The following SLC25A12 variants were observed in gnomAD, a reference collection of about 807,000 sequenced individuals.
SLC25A12 encodes the protein electrogenic aspartate/glutamate antiporter SLC25A12, mitochondrial.
In SLC25A12, 32 loss-of-function variants were observed where a neutral mutation model predicts 83.3. That is an observed-to-expected ratio of 0.38 (90% CI 0.29 to 0.52). The LOEUF (loss-of-function observed/expected upper bound fraction) is 0.52. SLC25A12 is among the 20% of genes least tolerant of loss of function. The probability of loss-of-function intolerance (pLI) is 0.84; values close to 1 mark genes in which losing one functional copy is unlikely to be tolerated. For synonymous variants in SLC25A12, 267 were observed against 291.1 expected, an observed-to-expected ratio of 0.92 and a Z score of 0.84; for missense variants, 611 against 835.6, an observed-to-expected ratio of 0.73 and a Z score of 3.31.
At chr2:171,824,914 C>T (rs1684269271) in intron 9 of SLC25A12, among the ~76,000 whole-genome samples, 1 of 152,060 alleles carries the variant, frequency 6.6e-6, no homozygotes, top group South Asian at 2.1e-4. Flanking sequence ...GGTGATTCTC[C>T]CTCCTCAGCC....
chr2:171,799,352 A>G (rs137910707), intron 13 of SLC25A12, among the ~76,000 whole-genome samples: 8 of 152,372 alleles, frequency 5.3e-5, no homozygotes, highest in Non-Finnish European at 8.8e-5. Context: ...ATGTGTTCAC[A>G]TAAGTATGTA....
chr2:171,806,888 G>A (rs1440681205), intron 13 of SLC25A12, among the ~76,000 whole-genome samples: 1 of 152,200 alleles, frequency 6.6e-6, no homozygotes, highest in African/African-American at 2.4e-5. Context: ...TGAAGACTCA[G>A]GGTCAGGCTC....
chr2:171,793,804 T>C, intron 13 of SLC25A12, 37 bp from the exon 14 acceptor site: 2 of 1,613,626 alleles, frequency 1.2e-6, no homozygotes, highest in South Asian at 1.1e-5. Context: ...AGATTCCACA[T>C]CAGAGCCCGA....
intron 4 of SLC25A12, among the ~76,000 whole-genome samples, chr2:171,853,222 G>A (rs1684970696): frequency 6.6e-6 from 1 of 152,230 alleles, no homozygotes; most frequent in Admixed American, 6.5e-5. Context: ...TCTAGATTAT[G>A]GAGGAAAAGA....
rs1003230297 is a variant in SLC25A12, at chr2:171,834,272, A to C, written c.752-216T>G. 2.3e-5 allele frequency: 12 copies of C among 522,066 alleles called. 1 individual carries two copies. The Admixed American group carries it at 3.9e-4, about 17-fold the overall frequency. The allele number at this position is 522,066 out of a possible 1,614,324, so 32.3% of individuals were successfully genotyped here. ...AAATGTTAAGATGATAAAACAGCAA[A>C]ACAGATGAATTAACTTCAAGAATAA... On this transcript the variant is annotated intron_variant, in intron 7 of 17. Coordinates refer to ENST00000422440, the MANE Select transcript of SLC25A12 (RefSeq NM_003705.5).
chr2:171,791,641 G>A, intron 14 of SLC25A12, 52 bp from the exon 15 acceptor site: 1 of 1,549,224 alleles, frequency 6.5e-7, no homozygotes, highest in Non-Finnish European at 8.9e-7. Flanking sequence ...GAGTGTGAAT[G>A]CCCAAATGGG....
chr2:171,803,175 GT>G (rs1316832486), intron 13 of SLC25A12, among the ~76,000 whole-genome samples: 1 of 149,712 alleles, frequency 6.7e-6, no homozygotes, highest in Non-Finnish European at 1.5e-5. Flanking sequence ...AGACCTAGAT[GT>G]AAAAGCTAAA....
At chr2:171,869,566 T>TAAATTA (rs957301206) in intron 2 of SLC25A12, among the ~76,000 whole-genome samples, 1 of 152,166 alleles carries the variant, frequency 6.6e-6, no homozygotes, top group Non-Finnish European at 1.5e-5. Context: ...AAATAGGAAA[T>TAAATTA]AAATTAAAAT....
chr2:171,842,813 G>A (rs1177986505), intron 5 of SLC25A12, among the ~76,000 whole-genome samples: 1 of 151,958 alleles, frequency 6.6e-6, no homozygotes, highest in Admixed American at 6.6e-5. Context: ...CCACTCAATT[G>A]TGCACTTTTA....
intron 2 of SLC25A12, among the ~76,000 whole-genome samples, chr2:171,878,145 A>T (rs895073912): frequency 6.6e-6 from 1 of 152,192 alleles, no homozygotes; most frequent in Non-Finnish European, 1.5e-5. Context: ...GGATGCAGAG[A>T]TCAACAAGAC....
chr2:171,816,576 G>A (rs1306974252), intron 9 of SLC25A12, among the ~76,000 whole-genome samples: 1 of 151,716 alleles, frequency 6.6e-6, no homozygotes, highest in African/African-American at 2.4e-5. Flanking sequence ...TTTTATTGTT[G>A]TAGTGTTATT....
chr2:171,812,338 CG>C, intron 11 of SLC25A12, among the ~76,000 whole-genome samples: 1 of 152,020 alleles, frequency 6.6e-6, no homozygotes, highest in Admixed American at 6.6e-5. Flanking sequence ...AAGCTCTGTT[CG>C]GGCCCAGTCT....
At chr2:171,858,706 C>T (rs190856647) in intron 3 of SLC25A12, among the ~76,000 whole-genome samples, 1 of 152,270 alleles carries the variant, frequency 6.6e-6, no homozygotes, top group East Asian at 1.9e-4. Context: ...TGATAAACTG[C>T]AAGTGTGAAC....
Position 171,787,554 on chromosome 2 carries a change from T to G in SLC25A12, c.1835+17A>C. 1 of 1,589,174 alleles carries G rather than the reference T, an allele frequency of 6.3e-7. No homozygotes were observed. On this transcript the variant is annotated intron_variant, in intron 17 of 17. Coordinates refer to ENST00000422440, the MANE Select transcript of SLC25A12 (RefSeq NM_003705.5). Reference sequence around the variant, plus strand: ...ACTTAGTGATTTCTTTGTAAAGGAGTTGAGCAGCTGACTTACAGGCCTCCA... The same window carrying G: ...ACTTAGTGATTTCTTTGTAAAGGAGGTGAGCAGCTGACTTACAGGCCTCCA...
At chr2:171,807,044 T>C (rs143321177) in intron 13 of SLC25A12, among the ~76,000 whole-genome samples, 8 of 152,358 alleles carry the variant, frequency 5.3e-5, no homozygotes, top group Non-Finnish European at 7.3e-5. Context: ...TTGAAATTTA[T>C]AGACTTTGGG....
chr2:171,866,709 A>T (rs867401465), intron 3 of SLC25A12, among the ~76,000 whole-genome samples: 1 of 102,310 alleles, frequency 9.8e-6, no homozygotes, highest in African/African-American at 4.3e-5. Context: ...CAGTAGGGGC[A>T]GCCGGGCAGA....
intron 9 of SLC25A12, among the ~76,000 whole-genome samples, chr2:171,819,561 T>A (rs1440168374): frequency 6.7e-6 from 1 of 148,440 alleles, no homozygotes; most frequent in Non-Finnish European, 1.5e-5. Context: ...AAGACTATAG[T>A]TAAGTCTTCA....
chr2:171,845,729 G>A, intron 4 of SLC25A12: 1 of 440,604 alleles, frequency 2.3e-6, no homozygotes, highest in Non-Finnish European at 4.6e-6. Flanking sequence ...CGTTCTACCA[G>A]TCTAGAGTCA....
At chr2:171,886,334 T>C (rs1346193470) in intron 2 of SLC25A12, among the ~76,000 whole-genome samples, 1 of 148,990 alleles carries the variant, frequency 6.7e-6, no homozygotes, top group Non-Finnish European at 1.5e-5. Flanking sequence ...GCTTAGGTGA[T>C]CCTCCCACCT....
Sources: gnomAD v4.1 joint callset for allele counts (sites outside exome capture counted in the v4.1 genomes callset) on GRCh38, gnomAD v4.1.1 for gene constraint, MANE v1.5 for transcripts, NCBI Gene and HGNC (gene_info 2026-07-23, HGNC 2026-07-21) for gene names.